The following FAF1 variants were observed in gnomAD, a reference collection of about 807,000 sequenced individuals.
FAF1 encodes the protein FAS-associated factor 1.
In FAF1, 25 loss-of-function variants were observed where a neutral mutation model predicts 92.5. That is an observed-to-expected ratio of 0.27 (90% CI 0.20 to 0.38). The LOEUF is 0.38. FAF1 is among the 10% of genes least tolerant of loss of function. The pLI is 1.00. For synonymous variants in FAF1, 234 were observed against 273.2 expected (o/e 0.86, Z 1.42); for missense variants, 636 against 793.3 (o/e 0.80, Z 2.38).
At chr1:50,930,831 A>G (rs1258566113) in intron 1 of FAF1, among the ~76,000 whole-genome samples, 1 of 152,232 alleles carries the variant, frequency 6.6e-6, no homozygotes, top group Non-Finnish European at 1.5e-5. Flanking sequence ...TAAAGCACCA[A>G]ATAGCCCAAT....
intron 18 of FAF1, among the ~76,000 whole-genome samples, chr1:50,474,508 C>T (rs984556696): frequency 2.3e-4 from 35 of 152,118 alleles, no homozygotes; most frequent in Non-Finnish European, 1.0e-4. Flanking sequence ...TTGGTGTACC[C>T]ATCACCCAGT....
At chr1:50,847,431 A>AC (rs1275448281) in intron 2 of FAF1, among the ~76,000 whole-genome samples, 2 of 151,842 alleles carry the variant, frequency 1.3e-5, no homozygotes, top group Non-Finnish European at 2.9e-5. Context: ...AAAAAAAAAA[A>AC]AAAACAGTAA....
intron 6 of FAF1, among the ~76,000 whole-genome samples, chr1:50,725,080 C>T (rs1658588459): frequency 6.6e-6 from 1 of 152,180 alleles, no homozygotes; most frequent in Admixed American, 6.5e-5. Flanking sequence ...CAGGTCTAGG[C>T]CACATCCTCT....
chr1:50,888,568 G>C (rs1644689864), intron 1 of FAF1, among the ~76,000 whole-genome samples: 1 of 152,216 alleles, frequency 6.6e-6, no homozygotes, highest in East Asian at 1.9e-4. Flanking sequence ...CTAATTTATT[G>C]AGACTTTTTA....
At chr1:50,527,827 C>T (rs1224931167) in intron 15 of FAF1, among the ~76,000 whole-genome samples, 1 of 128,574 alleles carries the variant, frequency 7.8e-6, no homozygotes, top group South Asian at 2.4e-4. Flanking sequence ...CTCTCTCTCT[C>T]TCTCTCTCTC....
At chr1:50,700,065 C>T (rs1284680682) in intron 7 of FAF1, among the ~76,000 whole-genome samples, 1 of 152,048 alleles carries the variant, frequency 6.6e-6, no homozygotes, top group African/African-American at 2.4e-5. Flanking sequence ...GCTTTTCATA[C>T]ATCCACCCTC....
Position 50,919,273 on chromosome 1 carries a change from G to C in FAF1, c.45+40494C>G, listed in dbSNP as rs141897361. Reference sequence around the variant, plus strand: ...AGATCTGCATATAAAAAACAGTAACGGTTTTCATGCTGGAGGGAAATGATA... The same window carrying C: ...AGATCTGCATATAAAAAACAGTAACCGTTTTCATGCTGGAGGGAAATGATA... On this transcript the variant is annotated intron_variant, in intron 1 of 18. Transcript: ENST00000396153. 2.8e-3 allele frequency among the ~76,000 whole-genome samples: 417 copies of C among 151,514 alleles called. 1 individual carries two copies. The highest frequency in any genetic ancestry group is 9.8e-3 in the African/African-American group (403 of 41,262).
At chr1:50,870,651 G>A (rs1416969893) in intron 1 of FAF1, among the ~76,000 whole-genome samples, 3 of 152,006 alleles carry the variant, frequency 2.0e-5, no homozygotes, top group African/African-American at 7.3e-5. Flanking sequence ...TGTTACTATT[G>A]TAATTGTTTT....
At chr1:50,833,353 GAACTC>G (rs1300606981) in intron 2 of FAF1, among the ~76,000 whole-genome samples, 2 of 150,320 alleles carry the variant, frequency 1.3e-5, no homozygotes, top group Admixed American at 1.3e-4. Context: ...AAAAAAAAAA[GAACTC>G]AGGAACAGCC....
intron 4 of FAF1, among the ~76,000 whole-genome samples, chr1:50,770,081 T>C (rs1660724853): frequency 6.6e-6 from 1 of 151,878 alleles, no homozygotes; most frequent in Non-Finnish European, 1.5e-5. Context: ...TTCAACAAAC[T>C]AGGCCCTGAA....
At chr1:50,642,531 C>T (rs1247131328) in intron 8 of FAF1, among the ~76,000 whole-genome samples, 1 of 151,742 alleles carries the variant, frequency 6.6e-6, no homozygotes, top group Non-Finnish European at 1.5e-5. Context: ...TGCCTGTAAT[C>T]CCAGCTACTC....
intron 1 of FAF1, among the ~76,000 whole-genome samples, chr1:50,957,936 G>A (rs1336411897): frequency 6.6e-6 from 1 of 152,086 alleles, no homozygotes; most frequent in African/African-American, 2.4e-5. Context: ...TTTTCAAACA[G>A]TGCATTCCAC....
At chr1:50,813,463 A>T (rs575314674) in intron 2 of FAF1, among the ~76,000 whole-genome samples, 222 of 152,132 alleles carry the variant, frequency 1.5e-3, no homozygotes, top group African/African-American at 5.1e-3. Flanking sequence ...CTTTCCTTTT[A>T]AAAAAATTTT....
In FAF1 at chr1:50,477,985, ATCT is replaced by A. The variant is rs1211981289; in HGVS notation, c.1654-2309_1654-2307del. On this transcript the variant is annotated intron_variant, in intron 17 of 18. Transcript: ENST00000396153. ...TACTTCTAGTAACTAAGAATTAAAC[ATCT>A]TCTCCTTTCTCTGAGGTATGACTCC... 3.9e-5 allele frequency among the ~76,000 whole-genome samples: 6 copies of A among 152,208 alleles called. No homozygotes were observed. The East Asian group carries it at 7.7e-4, about 20-fold the overall frequency.
chr1:50,865,577 C>T (rs1348531180), intron 1 of FAF1, among the ~76,000 whole-genome samples: 1 of 137,108 alleles, frequency 7.3e-6, no homozygotes, highest in Non-Finnish European at 1.6e-5. Flanking sequence ...TCTCAGTAAA[C>T]TATTGCAAGA....
At chr1:50,693,008 C>G (rs1569778879) in intron 7 of FAF1, among the ~76,000 whole-genome samples, 1 of 152,114 alleles carries the variant, frequency 6.6e-6, no homozygotes, top group South Asian at 2.1e-4. Flanking sequence ...TTCTTCCATT[C>G]TTTAAATTGT....
At chr1:50,765,965 G>A (rs1401703495) in intron 4 of FAF1, among the ~76,000 whole-genome samples, 1 of 152,060 alleles carries the variant, frequency 6.6e-6, no homozygotes, top group Non-Finnish European at 1.5e-5. Flanking sequence ...GGTAGCGGGT[G>A]CCTGTAATCC....
chr1:50,533,432 A>G (rs1015778389), intron 15 of FAF1, among the ~76,000 whole-genome samples: 1 of 152,186 alleles, frequency 6.6e-6, no homozygotes, highest in Non-Finnish European at 1.5e-5. Flanking sequence ...TTTTATGTAA[A>G]TTCAAATGTT....
chr1:50,606,417 C>G (rs1652405360), intron 8 of FAF1, among the ~76,000 whole-genome samples: 1 of 151,366 alleles, frequency 6.6e-6, no homozygotes, highest in East Asian at 1.9e-4. Flanking sequence ...TATCATTTCC[C>G]ACATAACATT....
Sources: allele counts gnomAD v4.1 joint callset (sites outside exome capture counted in the v4.1 genomes callset), GRCh38; gene constraint gnomAD v4.1.1; transcripts MANE v1.5; gene names NCBI Gene and HGNC (gene_info 2026-07-23, HGNC 2026-07-21).